Variants in RARB observed in about 807,000 individuals in gnomAD.
RARB encodes the protein HBV-activated protein.
In RARB, 17 loss-of-function variants were observed where a neutral mutation model predicts 51.9. That is an observed-to-expected ratio of 0.33 (90% CI 0.22 to 0.49). The LOEUF is 0.49. RARB is among the 20% of genes least tolerant of loss of function. The probability of loss-of-function intolerance (pLI) is 0.99; values close to 1 mark genes in which losing one functional copy is unlikely to be tolerated. For synonymous variants in RARB, 215 were observed against 195.4 expected, an observed-to-expected ratio of 1.10 and a Z score of -0.84; for missense variants, 369 against 550.8, an observed-to-expected ratio of 0.67 and a Z score of 3.30.
At chr3:25,359,270 AGG>A (rs1259728098) in intron 5 of RARB, among the ~76,000 whole-genome samples, 1 of 152,080 alleles carries the variant, frequency 6.6e-6, no homozygotes, top group Non-Finnish European at 1.5e-5. Context: ...ATTTGCATAG[AGG>A]TGTTTATAGT....
intron 3 of RARB, among the ~76,000 whole-genome samples, chr3:25,504,203 G>A (rs1393865936): frequency 6.6e-6 from 1 of 152,192 alleles, no homozygotes; most frequent in African/African-American, 2.4e-5. Context: ...TGTTTTTGGG[G>A]CATTGTTTCT....
At chr3:25,196,614 T>G (rs2125367383) in intron 5 of RARB, among the ~76,000 whole-genome samples, 1 of 152,282 alleles carries the variant, frequency 6.6e-6, no homozygotes, top group South Asian at 2.1e-4. Flanking sequence ...TCAAATGGTA[T>G]TACTAGTTCT....
intron 1 of RARB, among the ~76,000 whole-genome samples, chr3:24,849,071 G>T (rs1559370645): frequency 6.6e-6 from 1 of 152,156 alleles, no homozygotes; most frequent in Non-Finnish European, 1.5e-5. Context: ...CCCAGTGGAT[G>T]CCTGAAATGG....
At chr3:25,106,398 C>T (rs1338801874) in intron 3 of RARB, among the ~76,000 whole-genome samples, 1 of 151,764 alleles carries the variant, frequency 6.6e-6, no homozygotes, top group Non-Finnish European at 1.5e-5. Flanking sequence ...GCCTCAGCCT[C>T]CCGAGTAGCT....
rs537219797 is a variant in RARB at position 25,445,635 on chromosome 3, C to G, written c.158-15558C>G. On this transcript the variant is annotated intron_variant, in intron 1 of 7. Coordinates refer to ENST00000330688, the MANE Select transcript of RARB (RefSeq NM_000965.5). ...TGAGCCGAGGTCGCGCCACTGCACT[C>G]CAGCCTGGGTGACAGGGTGAGACTC... Among the ~76,000 whole-genome samples the G allele has an allele frequency of 3.3e-5, 5 of 152,154 alleles. No individual in the cohort carries two copies. In the East Asian group the frequency reaches 9.7e-4, roughly 30 times the overall value.
intron 5 of RARB, among the ~76,000 whole-genome samples, chr3:25,179,514 A>G (rs953386645): frequency 1.3e-5 from 2 of 152,210 alleles, no homozygotes; most frequent in Admixed American, 6.5e-5. Flanking sequence ...TAATAGTATC[A>G]TTTATATCTA....
chr3:24,987,473 A>G (rs1465625968), intron 2 of RARB, among the ~76,000 whole-genome samples: 1 of 152,262 alleles, frequency 6.6e-6, no homozygotes, highest in Non-Finnish European at 1.5e-5. Flanking sequence ...TTAAATACAC[A>G]CTGCAAAGGG....
intron 4 of RARB, among the ~76,000 whole-genome samples, chr3:25,163,305 A>T (rs1700502742): frequency 1.3e-5 from 2 of 151,932 alleles, no homozygotes; most frequent in African/African-American, 4.8e-5. Context: ...GGAGTTTGAG[A>T]CCAGCCTGGG....
intron 5 of RARB, among the ~76,000 whole-genome samples, chr3:25,306,318 C>T (rs1424372643): frequency 6.6e-6 from 1 of 152,016 alleles, no homozygotes; most frequent in African/African-American, 2.4e-5. Context: ...CTCGGTTATG[C>T]AGGATGGTTC....
chr3:24,909,913 T>G (rs6807549), intron 2 of RARB, among the ~76,000 whole-genome samples: 115,099 of 152,068 alleles, frequency 0.76, 44,086 homozygotes, highest in East Asian at 0.86. Context: ...GTGTTTGTAT[T>G]TATTCTCCAC....
chr3:25,313,478 C>A lies in RARB; in HGVS notation c.178+138903C>A, dbSNP rs367837407. Among the ~76,000 whole-genome samples, 3 of 152,168 alleles carry A rather than the reference C, an allele frequency of 2.0e-5. No individual in the cohort carries two copies. The East Asian group carries it at 5.8e-4, about 29-fold the overall frequency. ...CCCCAACTCCCTGGTATGATGTCAG[C>A]GAGTATCTCTGGTTGTGAAACTTCT... is the stretch of plus-strand genomic sequence containing the variant. On this transcript the variant is annotated intron_variant, in intron 5 of 11. Transcript: ENST00000383772.
chr3:25,072,003 G>A (rs903904254), intron 3 of RARB, among the ~76,000 whole-genome samples: 6 of 152,188 alleles, frequency 3.9e-5, no homozygotes, highest in Admixed American at 2.6e-4. Flanking sequence ...GAGAATCCAC[G>A]TGAGGCATAG....
At chr3:24,843,535 C>T (rs1022925625) in intron 1 of RARB, among the ~76,000 whole-genome samples, 3 of 152,168 alleles carry the variant, frequency 2.0e-5, no homozygotes, top group Admixed American at 2.0e-4. Context: ...GAGTTCCACA[C>T]ACTCATTTCC....
chr3:25,445,490 C>T (rs1256816896), intron 1 of RARB, among the ~76,000 whole-genome samples: 1 of 152,036 alleles, frequency 6.6e-6, no homozygotes, highest in African/African-American at 2.4e-5. Context: ...CATGGTGAAA[C>T]CCTGTCTATA....
At chr3:25,344,783 A>G (rs1236310536) in intron 5 of RARB, among the ~76,000 whole-genome samples, 3 of 152,200 alleles carry the variant, frequency 2.0e-5, no homozygotes, top group African/African-American at 4.8e-5. Flanking sequence ...TGGTCATTCT[A>G]TATAACTATA....
intron 3 of RARB, among the ~76,000 whole-genome samples, chr3:25,080,315 T>C (rs1698968089): frequency 6.6e-6 from 1 of 152,226 alleles, no homozygotes; most frequent in Admixed American, 6.5e-5. Flanking sequence ...TAACACATTT[T>C]GTTTATCCAT....
At chr3:25,507,663 T>C (rs1387473350) in intron 3 of RARB, among the ~76,000 whole-genome samples, 3 of 152,150 alleles carry the variant, frequency 2.0e-5, no homozygotes, top group Non-Finnish European at 4.4e-5. Flanking sequence ...GAAGCAAAGA[T>C]GGACATGTAT....
chr3:25,204,425 C>T (rs116218604), intron 5 of RARB, among the ~76,000 whole-genome samples: 3,898 of 152,298 alleles, frequency 0.026, 99 homozygotes, highest in South Asian at 0.078. Context: ...TCTCTCAACT[C>T]GTCAAAGTTA....
At chr3:25,330,197 C>G (rs974443685) in intron 5 of RARB, among the ~76,000 whole-genome samples, 4 of 151,864 alleles carry the variant, frequency 2.6e-5, no homozygotes, top group Admixed American at 6.6e-5. Flanking sequence ...AAGAGCAACC[C>G]CAAGACACAT....
Sources: allele counts gnomAD v4.1 joint callset (sites outside exome capture counted in the v4.1 genomes callset), GRCh38; gene constraint gnomAD v4.1.1; transcripts MANE v1.5; gene names NCBI Gene and HGNC (gene_info 2026-07-23, HGNC 2026-07-21).